Variants in SH3GL3 observed in about 807,000 individuals in gnomAD.
SH3GL3 encodes endophilin-A3.
In SH3GL3, 33 loss-of-function variants were observed where a neutral mutation model predicts 47.7. That is an observed-to-expected ratio of 0.69 (90% CI 0.52 to 0.92). The LOEUF is 0.92. Ranked by LOEUF, SH3GL3 falls within the 40% of genes least tolerant of loss-of-function variation. SH3GL3 has a pLI of 0.00. For synonymous variants in SH3GL3, 155 were observed against 148.8 expected, an observed-to-expected ratio of 1.04 and a Z score of -0.30; for missense variants, 363 against 417.8, an observed-to-expected ratio of 0.87 and a Z score of 1.14.
intron 6 of SH3GL3, among the ~76,000 whole-genome samples, chr15:83,582,195 T>G (rs2059846455): frequency 6.6e-6 from 1 of 152,228 alleles, no homozygotes; most frequent in African/African-American, 2.4e-5. Context: ...CACAACTTAC[T>G]AGTAGCAAAT....
chr15:83,530,428 T>A (rs2043617299), intron 1 of SH3GL3, among the ~76,000 whole-genome samples: 1 of 152,170 alleles, frequency 6.6e-6, no homozygotes, highest in African/African-American at 2.4e-5. Flanking sequence ...CCGCCTTGCT[T>A]TCCCTTACTT....
chr15:83,463,763 C>CTT (rs1327885855), intron 1 of SH3GL3, among the ~76,000 whole-genome samples: 6 of 125,386 alleles, frequency 4.8e-5, no homozygotes, highest in African/African-American at 1.6e-4. Context: ...TGCTTTCTTT[C>CTT]TTTCTTTTTT....
At chr15:83,609,203 C>G (rs542402506) in intron 8 of SH3GL3, 1 of 450,564 alleles carries the variant, frequency 2.2e-6, no homozygotes, top group Middle Eastern at 3.3e-4. Flanking sequence ...GAAAGGGACT[C>G]GGTACAGAGT....
intron 6 of SH3GL3, among the ~76,000 whole-genome samples, chr15:83,584,198 C>CTCTTCACAGCCAGCGGCACAGCA (rs1269882068): frequency 6.6e-6 from 1 of 152,172 alleles, no homozygotes; most frequent in Non-Finnish European, 1.5e-5. Context: ...CGCTTCCTCC[C>CTCTTCACAGCCAGCGGCACAGCA]TCTTCACAGC....
At chr15:83,555,274 T>C (rs1302506646) in intron 1 of SH3GL3, among the ~76,000 whole-genome samples, 3 of 152,206 alleles carry the variant, frequency 2.0e-5, no homozygotes, top group Non-Finnish European at 4.4e-5. Context: ...ATAGAAGTTA[T>C]TCCTTTATCT....
At chr15:83,607,116 G>A (rs987000218) in intron 8 of SH3GL3, among the ~76,000 whole-genome samples, 1 of 152,134 alleles carries the variant, frequency 6.6e-6, no homozygotes, top group African/African-American at 2.4e-5. Flanking sequence ...AAAGCCGTAA[G>A]ACATAAATTC....
At chr15:83,469,805 C>G (rs1019573340) in intron 1 of SH3GL3, among the ~76,000 whole-genome samples, 1 of 152,082 alleles carries the variant, frequency 6.6e-6, no homozygotes, top group African/African-American at 2.4e-5. Context: ...TGGAGTGTTC[C>G]AAATAAATTA....
intron 1 of SH3GL3, among the ~76,000 whole-genome samples, chr15:83,551,709 C>T (rs1406145694): frequency 1.3e-5 from 2 of 152,154 alleles, no homozygotes; most frequent in African/African-American, 2.4e-5. Context: ...GTATGCCTGT[C>T]TGCTCCTTTT....
the SH3GL3 span, among the ~76,000 whole-genome samples, chr15:83,629,217 A>G: frequency 6.6e-6 from 1 of 152,232 alleles, no homozygotes; most frequent in Admixed American, 6.5e-5. Context: ...GTCAAAATTG[A>G]CCAGCTTATT....
At chr15:83,545,029 C>T (rs2044332836) in intron 1 of SH3GL3, among the ~76,000 whole-genome samples, 1 of 151,872 alleles carries the variant, frequency 6.6e-6, no homozygotes, top group South Asian at 2.1e-4. Context: ...GCTTGGTGTT[C>T]TATACCCTTT....
intron 1 of SH3GL3, among the ~76,000 whole-genome samples, chr15:83,530,763 CT>C (rs2151675574): frequency 6.6e-6 from 1 of 152,118 alleles, no homozygotes; most frequent in South Asian, 2.1e-4. Context: ...AACAGGTTGG[CT>C]TTTCTTCAGT....
At chr15:83,513,526 C>A (rs2042859097) in intron 1 of SH3GL3, among the ~76,000 whole-genome samples, 1 of 152,178 alleles carries the variant, frequency 6.6e-6, no homozygotes, top group Admixed American at 6.5e-5. Flanking sequence ...TTGACCCTCT[C>A]CTAGACTTCC....
intron 1 of SH3GL3, among the ~76,000 whole-genome samples, chr15:83,521,047 C>G (rs1447093780): frequency 6.6e-6 from 1 of 152,146 alleles, no homozygotes; most frequent in Non-Finnish European, 1.5e-5. Context: ...TCCTGCGTGT[C>G]CAGCTGGCCT....
In SH3GL3 at chr15:83,576,921, A is replaced by ATTTTTTTTTT. The variant is rs71156087; in HGVS notation, c.624+185_624+194dup. On this transcript the variant is annotated intron_variant, in intron 6 of 8. Coordinates refer to ENST00000427482, the MANE Select transcript of SH3GL3 (RefSeq NM_003027.5). The stretch of plus-strand genomic sequence containing the variant: ...TGATGAGCTTAAAAAAAAAATCATA[A>ATTTTTTTTTT]TTTTTTTTTTTTTTGAGACGCTGTC... Among the ~76,000 whole-genome samples, 141 of 86,540 alleles carry ATTTTTTTTTT rather than the reference A, an allele frequency of 1.6e-3. 24 individuals are homozygous for ATTTTTTTTTT. The highest frequency in any genetic ancestry group is 5.3e-3 in the African/African-American group (110 of 20,772). 56.8% of individuals were successfully genotyped at this position (86,540 alleles called of 152,430 possible).
At chr15:83,613,162 T>A (rs1247430218) in intron 8 of SH3GL3, among the ~76,000 whole-genome samples, 1 of 152,094 alleles carries the variant, frequency 6.6e-6, no homozygotes, top group Non-Finnish European at 1.5e-5. Context: ...CTGGTTGGGG[T>A]GGATTTACCA....
chr15:83,473,121 C>T (rs2040905704), intron 1 of SH3GL3, among the ~76,000 whole-genome samples: 1 of 151,850 alleles, frequency 6.6e-6, no homozygotes, highest in Non-Finnish European at 1.5e-5. Context: ...CTCCACTAGG[C>T]ATCCTCTGAC....
intron 1 of SH3GL3, among the ~76,000 whole-genome samples, chr15:83,525,351 C>CATGTGTGTGT (rs145469175): frequency 2.0e-5 from 3 of 147,982 alleles, no homozygotes; most frequent in Admixed American, 6.7e-5. Context: ...ATTCTTTGTG[C>CATGTGTGTGT]GTGTGTGTGT....
chr15:83,519,277 G>A (rs569239620), intron 1 of SH3GL3, among the ~76,000 whole-genome samples: 28 of 152,134 alleles, frequency 1.8e-4, no homozygotes, highest in Non-Finnish European at 3.5e-4. Flanking sequence ...ACATTTGAAC[G>A]ATATTGATTC....
chr15:83,596,972 G>C (rs1254455185), intron 8 of SH3GL3, among the ~76,000 whole-genome samples: 1 of 151,906 alleles, frequency 6.6e-6, no homozygotes, highest in Non-Finnish European at 1.5e-5. Flanking sequence ...CTTTGATCCA[G>C]TTATTTATTT....
Sources: allele counts gnomAD v4.1 joint callset (sites outside exome capture counted in the v4.1 genomes callset), GRCh38; gene constraint gnomAD v4.1.1; transcripts MANE v1.5; gene names NCBI Gene and HGNC (gene_info 2026-07-23, HGNC 2026-07-21).